Variants in NKAIN2 observed in about 807,000 individuals in gnomAD.
The protein encoded by NKAIN2 is sodium/potassium-transporting ATPase subunit beta-1-interacting protein 2.
In NKAIN2, 14 loss-of-function variants were observed where a neutral mutation model predicts 32.6. The ratio of observed to expected loss-of-function variants is 0.43; its 90% CI spans 0.28 to 0.67. NKAIN2 has a LOEUF of 0.67. NKAIN2 is among the 30% of genes least tolerant of loss of function. The pLI is 0.17. For synonymous variants in NKAIN2, 80 were observed against 87.2 expected, an observed-to-expected ratio of 0.92 and a Z score of 0.46; for missense variants, 198 against 258.3, an observed-to-expected ratio of 0.77 and a Z score of 1.60.
At chr6:124,799,880 G>A (rs1251248433) in intron 5 of NKAIN2, among the ~76,000 whole-genome samples, 1 of 152,202 alleles carries the variant, frequency 6.6e-6, no homozygotes, top group African/African-American at 2.4e-5. Context: ...CCTACCAGCA[G>A]TGGGTGTCCT....
intron 3 of NKAIN2, among the ~76,000 whole-genome samples, chr6:124,499,001 C>A (rs1778178490): frequency 6.6e-6 from 1 of 152,048 alleles, no homozygotes; most frequent in African/African-American, 2.4e-5. Context: ...CTCCTGAGCT[C>A]AAGTGATCTG....
At chr6:124,186,153 A>AGGG (rs1554263935) in intron 1 of NKAIN2, among the ~76,000 whole-genome samples, 4,982 of 126,852 alleles carry the variant, frequency 0.039, 221 homozygotes, top group African/African-American at 0.089. Context: ...GGAAGGAAGG[A>AGGG]AGGGAGGGAG....
intron 1 of NKAIN2, among the ~76,000 whole-genome samples, chr6:124,186,696 A>G (rs1369485452): frequency 6.6e-6 from 1 of 152,238 alleles, no homozygotes; most frequent in African/African-American, 2.4e-5. Flanking sequence ...TTACTATGCC[A>G]AAAACTTTAT....
At chr6:124,050,553 A>G (rs1022469741) in intron 1 of NKAIN2, among the ~76,000 whole-genome samples, 25 of 151,868 alleles carry the variant, frequency 1.6e-4, no homozygotes, top group African/African-American at 4.1e-4. Context: ...GTATAACTCT[A>G]TTGTACAAAA....
intron 1 of NKAIN2, among the ~76,000 whole-genome samples, chr6:124,237,382 G>T (rs540588330): frequency 6.6e-6 from 1 of 151,722 alleles, no homozygotes; most frequent in Admixed American, 6.6e-5. Flanking sequence ...TGTTTTTTTT[G>T]AGAGAGAGAG....
chr6:124,366,710 G>A (rs1382729023), intron 3 of NKAIN2, among the ~76,000 whole-genome samples: 1 of 151,998 alleles, frequency 6.6e-6, no homozygotes, highest in Non-Finnish European at 1.5e-5. Context: ...GCTGAGGTGG[G>A]TGGATCACCT....
intron 2 of NKAIN2, among the ~76,000 whole-genome samples, chr6:124,329,271 G>A (rs1314857127): frequency 6.6e-6 from 1 of 152,176 alleles, no homozygotes; most frequent in Admixed American, 6.5e-5. Flanking sequence ...GAATTAGCAA[G>A]CGATGCCTCA....
chr6:124,243,504 G>C (rs1489913163), intron 1 of NKAIN2, among the ~76,000 whole-genome samples: 2 of 149,764 alleles, frequency 1.3e-5, no homozygotes, highest in African/African-American at 2.5e-5. Context: ...CAAAGAAAAA[G>C]GAAAGAAAAA....
At chr6:124,701,551 GAAGT>G (rs1774792438) in intron 4 of NKAIN2, among the ~76,000 whole-genome samples, 2 of 152,060 alleles carry the variant, frequency 1.3e-5, no homozygotes. Flanking sequence ...AGGAAGCAGA[GAAGT>G]AAGTGATAAA....
intron 1 of NKAIN2, among the ~76,000 whole-genome samples, chr6:123,848,301 G>A (rs772495767): frequency 1.1e-4 from 17 of 152,276 alleles, no homozygotes; most frequent in Non-Finnish European, 2.1e-4. Context: ...ATTCTAAAGT[G>A]TGAATATTTG....
chr6:124,304,094 CA>C (rs879877357), intron 2 of NKAIN2, among the ~76,000 whole-genome samples: 5 of 152,032 alleles, frequency 3.3e-5, no homozygotes, highest in Non-Finnish European at 7.4e-5. Context: ...GCCAATCAAG[CA>C]GGAATGTATA....
At chr6:124,819,050 A>G (rs1181803836) in intron 6 of NKAIN2, 6 of 452,944 alleles carry the variant, frequency 1.3e-5, no homozygotes, top group Non-Finnish European at 1.7e-5. Flanking sequence ...GAGAGCAGAC[A>G]TACAATCAGA....
chr6:124,302,002 C>T (rs150940613), intron 2 of NKAIN2, among the ~76,000 whole-genome samples: 1,560 of 152,166 alleles, frequency 0.01, 9 homozygotes, highest in Non-Finnish European at 0.015. Context: ...AGCTGTGTCC[C>T]GACCCAAATC....
rs1202497983 is a variant in NKAIN2, at chr6:124,709,917, A to G, written c.474+51531A>G. On this transcript the variant is annotated intron_variant, in intron 4 of 6. Coordinates refer to ENST00000368417, the MANE Select transcript of NKAIN2 (RefSeq NM_001040214.3). ...TTGCTTTTCTAATTCTTTTAATTGT[A>G]ATGTTAGGGTGTCAATTTTGGATCT... Among the ~76,000 whole-genome samples, 856 of 152,002 alleles carry G rather than the reference A, an allele frequency of 5.6e-3. 8 individuals are homozygous for G. Among genetic ancestry groups the G allele is most frequent in the Non-Finnish European group, 9.1e-3 (615 of 67,946 alleles).
At chr6:124,550,740 G>A (rs1396492057) in intron 3 of NKAIN2, among the ~76,000 whole-genome samples, 1 of 152,176 alleles carries the variant, frequency 6.6e-6, no homozygotes, top group African/African-American at 2.4e-5. Flanking sequence ...GGGCACAAGT[G>A]GAGGGGCTGT....
intron 3 of NKAIN2, among the ~76,000 whole-genome samples, chr6:124,481,565 C>T (rs1243323810): frequency 6.6e-6 from 1 of 152,036 alleles, no homozygotes; most frequent in South Asian, 2.1e-4. Context: ...TTCTGTTTTT[C>T]AAATCTTTTA....
chr6:124,078,203 C>T (rs909034769), intron 1 of NKAIN2, among the ~76,000 whole-genome samples: 1 of 152,024 alleles, frequency 6.6e-6, no homozygotes, highest in African/African-American at 2.4e-5. Flanking sequence ...ATTTCATTTC[C>T]ATATGTAATG....
At chr6:124,176,981 T>C (rs892858177) in intron 1 of NKAIN2, among the ~76,000 whole-genome samples, 11 of 152,136 alleles carry the variant, frequency 7.2e-5, no homozygotes, top group African/African-American at 2.7e-4. Flanking sequence ...CCATATAGTT[T>C]TAAAATTCTG....
intron 3 of NKAIN2, among the ~76,000 whole-genome samples, chr6:124,404,577 C>A (rs1583195860): frequency 1.3e-5 from 2 of 151,646 alleles, no homozygotes; most frequent in African/African-American, 4.8e-5. Flanking sequence ...AAAGAGTTGG[C>A]TAGAGTTACC....
Sources: allele counts gnomAD v4.1 joint callset (sites outside exome capture counted in the v4.1 genomes callset), GRCh38; gene constraint gnomAD v4.1.1; transcripts MANE v1.5; gene names NCBI Gene and HGNC (gene_info 2026-07-23, HGNC 2026-07-21).